Variants in DOCK7 observed in about 807,000 individuals in gnomAD.
DOCK7 encodes dedicator of cytokinesis 7.
A neutral mutation model predicts 271.0 loss-of-function variants in DOCK7; 138 were observed. The observed-to-expected ratio is 0.51, with a 90% CI of 0.44 to 0.59. DOCK7 has a LOEUF of 0.59. DOCK7 is among the 20% of genes least tolerant of loss of function. DOCK7 has a pLI of 0.00. For synonymous variants in DOCK7, 823 were observed against 876.1 expected, an observed-to-expected ratio of 0.94 and a Z score of 1.07; for missense variants, 2,066 against 2,592.4, an observed-to-expected ratio of 0.80 and a Z score of 4.41.
chr1:62,578,120 T>C (rs915185729), intron 17 of DOCK7, among the ~76,000 whole-genome samples: 14 of 152,006 alleles, frequency 9.2e-5, no homozygotes, highest in Admixed American at 3.9e-4. Flanking sequence ...GATGGGGTTA[T>C]GCCAAGCTGG....
At chr1:62,687,816 T>G (rs999756659) in intron 1 of DOCK7, among the ~76,000 whole-genome samples, 8 of 128,746 alleles carry the variant, frequency 6.2e-5, no homozygotes, top group Non-Finnish European at 4.9e-5. Flanking sequence ...CCAAGAGGGG[T>G]GGGCGGAGAG....
intron 15 of DOCK7, among the ~76,000 whole-genome samples, chr1:62,585,966 G>C (rs1356249995): frequency 6.6e-6 from 1 of 152,130 alleles, no homozygotes; most frequent in Admixed American, 6.5e-5. Context: ...AGCTTCCCAG[G>C]TGAATCTAAT....
At chr1:62,610,242 T>C (rs1651593700) in intron 14 of DOCK7, among the ~76,000 whole-genome samples, 2 of 152,102 alleles carry the variant, frequency 1.3e-5, no homozygotes, top group Non-Finnish European at 2.9e-5. Context: ...TAGCAGAGTA[T>C]GTGGCAGTAG....
At position 62,579,576 on chromosome 1, in the gene DOCK7, A is replaced by T. The variant is rs149052570; in HGVS notation, c.1872-610T>A. 2.3e-3 allele frequency among the ~76,000 whole-genome samples: 348 copies of T among 151,458 alleles called. 2 individuals carry two copies. Among genetic ancestry groups the T allele is most frequent in the African/African-American group, 7.4e-3 (307 of 41,280 alleles). On this transcript the variant is annotated intron_variant, in intron 16 of 49. Coordinates refer to ENST00000635253, the MANE Select transcript of DOCK7 (RefSeq NM_001367561.1). ...CCAGACTCATCTCTACAAAAAATTT[A>T]AAAAAGTCCTAGCTACTTGGGAGGC... is the stretch of plus-strand genomic sequence containing the variant.
chr1:62,457,021 T>C (rs1645366884), intron 49 of DOCK7, among the ~76,000 whole-genome samples: 1 of 152,190 alleles, frequency 6.6e-6, no homozygotes, highest in African/African-American at 2.4e-5. Flanking sequence ...GGCACTGTCC[T>C]AAGAACTTCA....
In DOCK7 at chr1:62,492,733, G is replaced by A; in HGVS notation, c.5332C>T (p.Leu1778=). 6.2e-7 allele frequency: 1 copy of A among 1,614,102 alleles called. No homozygotes were observed. Among genetic ancestry groups the A allele is most frequent in the Non-Finnish European group, 8.5e-7 (1 of 1,179,994 alleles). The change falls in exon 41 of 50, where the codon CTG becomes TTG. Residue 1778 remains leucine (L), a synonymous_variant. Transcript: ENST00000635253. ...GAGAAGGAAGCAGCTGCTTGTTCCA[G>A]TAATCCCACAAGTCCTGACTCAGTA... The part of the protein sequence containing the change: ...YFTESGLVGL[L]EQAAASFSMA...
intron 15 of DOCK7, among the ~76,000 whole-genome samples, chr1:62,585,697 A>C (rs1295039273): frequency 6.6e-6 from 1 of 152,130 alleles, no homozygotes; most frequent in Non-Finnish European, 1.5e-5. Flanking sequence ...TTAACATTTT[A>C]ATGACCTTTG....
At chr1:62,556,010 T>C in intron 20 of DOCK7, 21 bp from the exon 21 acceptor site, 1 of 1,607,508 alleles carries the variant, frequency 6.2e-7, no homozygotes, top group Non-Finnish European at 8.5e-7. Context: ...AGAAGAAGTA[T>C]TTACCTTTGC....
chr1:62,536,818 A>C (rs905239854), intron 28 of DOCK7, among the ~76,000 whole-genome samples: 3 of 152,246 alleles, frequency 2.0e-5, no homozygotes, highest in Admixed American at 6.5e-5. Context: ...CTCAGGAATA[A>C]TACAGTAGAA....
In DOCK7 at chr1:62,634,940, GTTAAACT is replaced by G. The variant is rs1172129638; in HGVS notation, c.886-25_886-19del. The G allele has an allele frequency of 2.9e-5, 45 of 1,540,482 alleles. No homozygotes were observed. The highest frequency in any genetic ancestry group is 3.8e-5 in the Non-Finnish European group (43 of 1,123,918). On this transcript the variant is annotated intron_variant, in intron 8 of 49. Coordinates refer to ENST00000635253, the MANE Select transcript of DOCK7 (RefSeq NM_001367561.1). ...TCTGAAATCTAAAAAATATTAGTAT[GTTAAACT>G]TTAAAATATGTACATTTTACAGTGT...
At chr1:62,545,060 A>G in intron 22 of DOCK7, 21 bp from the exon 23 acceptor site, 1 of 1,519,132 alleles carries the variant, frequency 6.6e-7, no homozygotes, top group Non-Finnish European at 8.9e-7. Context: ...AATAGAAAGC[A>G]GTTTGAAAGG....
chr1:62,486,289 T>C (rs911752677), intron 43 of DOCK7: 4 of 152,044 alleles, frequency 2.6e-5, no homozygotes, highest in South Asian at 4.1e-4. Flanking sequence ...ATTTCAGAAA[T>C]AGAGGAAAAC....
chr1:62,481,129 G>A (rs902041078), intron 43 of DOCK7, among the ~76,000 whole-genome samples: 3 of 152,180 alleles, frequency 2.0e-5, no homozygotes, highest in East Asian at 3.9e-4. Flanking sequence ...CCTGAGCGAC[G>A]TGCATCCCAG....
chr1:62,579,523 G>T (rs1248431032), intron 16 of DOCK7, among the ~76,000 whole-genome samples: 1 of 151,678 alleles, frequency 6.6e-6, no homozygotes. Flanking sequence ...TTGGAGTCAG[G>T]AGTTTGAGAC....
At position 62,581,146 on chromosome 1, in the gene DOCK7, T is replaced by A. The variant is rs894902818; in HGVS notation, c.1871+2038A>T. Among the ~76,000 whole-genome samples, 6 of 152,288 alleles carry A rather than the reference T, an allele frequency of 3.9e-5. No homozygotes were observed. In the East Asian group the frequency reaches 5.8e-4, roughly 15 times the overall value. Reference sequence around the variant, plus strand: ...GCTTCAAAAACAGAGCTGAACAGATTACTTCAAGTTTGAGATCAGGGAATT... The same window carrying A: ...GCTTCAAAAACAGAGCTGAACAGATAACTTCAAGTTTGAGATCAGGGAATT... On this transcript the variant is annotated intron_variant, in intron 16 of 49. Coordinates refer to ENST00000635253, the MANE Select transcript of DOCK7 (RefSeq NM_001367561.1).
chr1:62,481,008 C>CAAAA (rs35993847), intron 43 of DOCK7, among the ~76,000 whole-genome samples: 48,508 of 94,292 alleles, frequency 0.51, 13,839 homozygotes, highest in East Asian at 0.67. Flanking sequence ...GACTCCGTCT[C>CAAAA]AAAAAAAAAA....
intron 48 of DOCK7, among the ~76,000 whole-genome samples, chr1:62,460,521 TA>T (rs1465328380): frequency 6.6e-6 from 1 of 152,166 alleles, no homozygotes; most frequent in Non-Finnish European, 1.5e-5. Flanking sequence ...TTATATAACA[TA>T]TTAAACTTGT....
intron 18 of DOCK7, among the ~76,000 whole-genome samples, chr1:62,563,642 C>G (rs912871163): frequency 3.3e-5 from 5 of 151,730 alleles, no homozygotes; most frequent in African/African-American, 1.2e-4. Flanking sequence ...CAAATTTCAA[C>G]ACTAATTAGA....
At chr1:62,650,838 G>C (rs566127358) in intron 4 of DOCK7, among the ~76,000 whole-genome samples, 15 of 151,086 alleles carry the variant, frequency 9.9e-5, no homozygotes, top group East Asian at 9.8e-4. Context: ...CACTTTTACA[G>C]TGTTGGTGGG....
Sources: gnomAD v4.1 joint callset for allele counts (sites outside exome capture counted in the v4.1 genomes callset) on GRCh38, gnomAD v4.1.1 for gene constraint, MANE v1.5 for transcripts, NCBI Gene and HGNC (gene_info 2026-07-23, HGNC 2026-07-21) for gene names.